LOXHD1: variants seen among roughly 807,000 people sequenced by gnomAD.
LOXHD1 encodes lipoxygenase homology PLAT domains 1.
LOXHD1 carries 205 observed loss-of-function variants against 248.2 expected under a neutral mutation model. The ratio of observed to expected loss-of-function variants is 0.83; its 90% CI spans 0.74 to 0.93. The LOEUF (loss-of-function observed/expected upper bound fraction) is 0.93. Ranked by LOEUF, LOXHD1 falls within the 40% of genes least tolerant of loss-of-function variation. The probability of loss-of-function intolerance (pLI) is 0.00; values close to 1 mark genes in which losing one functional copy is unlikely to be tolerated. For synonymous variants in LOXHD1, 1,113 were observed against 1,162.8 expected, an observed-to-expected ratio of 0.96 and a Z score of 0.87; for missense variants, 2,930 against 2,971.6, an observed-to-expected ratio of 0.99 and a Z score of 0.33.
intron 26 of LOXHD1, 40 bp downstream of exon 26, chr18:46,538,116 G>A: frequency 1.3e-6 from 2 of 1,503,576 alleles, no homozygotes; most frequent in Non-Finnish European, 1.8e-6. Context: ...CCCTCTGTCT[G>A]ACCTACTCCA....
At chr18:46,622,599 G>A (rs924189706) in intron 4 of LOXHD1, among the ~76,000 whole-genome samples, 1 of 152,182 alleles carries the variant, frequency 6.6e-6, no homozygotes, top group Non-Finnish European at 1.5e-5. Flanking sequence ...GGACCAGGGT[G>A]GTCAGCTGCT....
intron 38 of LOXHD1, among the ~76,000 whole-genome samples, chr18:46,485,640 T>G (rs1257299151): frequency 6.6e-6 from 1 of 152,148 alleles, no homozygotes; most frequent in Non-Finnish European, 1.5e-5. Flanking sequence ...TGCACAGGTG[T>G]GCACTCCTCC....
chr18:46,654,612 G>A (rs1421515254), intron 1 of LOXHD1, among the ~76,000 whole-genome samples: 2 of 152,210 alleles, frequency 1.3e-5, no homozygotes, highest in African/African-American at 4.8e-5. Flanking sequence ...TAAGAAGAGA[G>A]AAGGAACACC....
intron 13 of LOXHD1, among the ~76,000 whole-genome samples, chr18:46,579,119 G>A (rs1160584780): frequency 6.6e-6 from 1 of 152,226 alleles, no homozygotes; most frequent in Non-Finnish European, 1.5e-5. Flanking sequence ...CAAGATGCCT[G>A]CAATGGTCAT....
intron 1 of LOXHD1, among the ~76,000 whole-genome samples, chr18:46,650,268 T>G (rs1007126380): frequency 6.6e-6 from 1 of 152,186 alleles, no homozygotes; most frequent in Non-Finnish European, 1.5e-5. Context: ...CTAAGGTACA[T>G]GTCTGTACCA....
intron 40 of LOXHD1, among the ~76,000 whole-genome samples, chr18:46,478,412 C>T (rs2032229329): frequency 6.6e-6 from 1 of 152,106 alleles, no homozygotes; most frequent in African/African-American, 2.4e-5. Context: ...TCTATCTGCC[C>T]TCCTGCTACT....
chr18:46,560,048 T>TGCCTGGCC, intron 19 of LOXHD1, 35 bp downstream of exon 19: 5 of 1,226,298 alleles, frequency 4.1e-6, no homozygotes, highest in African/African-American at 1.6e-5. Flanking sequence ...GTCTGGCCAC[T>TGCCTGGCC]CCCTCCCCAC....
chr18:46,631,185 G>A (rs1015121938), intron 4 of LOXHD1, among the ~76,000 whole-genome samples: 4 of 152,190 alleles, frequency 2.6e-5, no homozygotes, highest in African/African-American at 9.7e-5. Flanking sequence ...GGAGACCGCA[G>A]TGTTACCCTC....
chr18:46,508,376 G>C (rs1206089624), intron 35 of LOXHD1, among the ~76,000 whole-genome samples: 1 of 152,108 alleles, frequency 6.6e-6, no homozygotes, highest in Non-Finnish European at 1.5e-5. Flanking sequence ...CATTAGAGTG[G>C]GCCCTAGTCC....
At chr18:46,504,678 G>C (rs1008494998) in intron 37 of LOXHD1, among the ~76,000 whole-genome samples, 1 of 152,186 alleles carries the variant, frequency 6.6e-6, no homozygotes, top group Admixed American at 6.5e-5. Flanking sequence ...TGGAAGAGAG[G>C]TTGCAAACTA....
intron 2 of LOXHD1, among the ~76,000 whole-genome samples, chr18:46,644,555 A>G (rs1369984886): frequency 6.6e-6 from 1 of 152,122 alleles, no homozygotes; most frequent in Admixed American, 6.5e-5. Flanking sequence ...TAGCTCTACA[A>G]AAAAATTTAA....
At position 46,560,531 on chromosome 18, in the gene LOXHD1, G is replaced by A. The variant is rs1204377432; in HGVS notation, c.2613C>T (p.Asp871=). The part of the protein sequence containing the change: ...SKDTFQLEAA[D]VGEVYKLRLG... ...GCCGGAGCTTATAGACCTCGCCCAC[G>A]TCGGCCGCCTCAAGCTGTTCAAAGG... Residue 871 remains aspartate, a synonymous_variant, in exon 19 of 41, where the codon GAC becomes GAT. Coordinates refer to ENST00000642948, the MANE Select transcript of LOXHD1 (RefSeq NM_001384474.1). The A allele has an allele frequency of 1.3e-6, 2 of 1,531,222 alleles. No individual in the cohort carries two copies. The highest frequency in any genetic ancestry group is 1.7e-6 in the Non-Finnish European group (2 of 1,143,090). The allele number at this position is 1,531,222 out of a possible 1,614,324, so 94.9% of individuals were successfully genotyped here. A position where few individuals can be genotyped will look rare whatever the true frequency, so the allele number is the denominator to read the frequency against.
chr18:46,622,931 A>G (rs935987443), intron 4 of LOXHD1, among the ~76,000 whole-genome samples: 1 of 152,242 alleles, frequency 6.6e-6, no homozygotes, highest in African/African-American at 2.4e-5. Flanking sequence ...GTGAAAGTCA[A>G]GTTGGAAGAG....
rs2037882000 is a variant in LOXHD1, at chr18:46,577,565, G to C, written c.1970+142C>G. On this transcript the variant is annotated intron_variant, in intron 14 of 40. Coordinates refer to ENST00000642948, the MANE Select transcript of LOXHD1 (RefSeq NM_001384474.1). ...TGAGGCTCAGGTCTAAGCACCACCA[G>C]CGAGGTCACCTCTTTCTTGCACCAG... is the stretch of plus-strand genomic sequence containing the variant. The C allele has an allele frequency of 3.4e-6, 3 of 871,544 alleles. No homozygotes were observed. In the Admixed American group the frequency reaches 8.2e-5, roughly 24 times the overall value. 54.0% of individuals were successfully genotyped at this position (871,544 alleles called of 1,614,324 possible).
intron 6 of LOXHD1, among the ~76,000 whole-genome samples, chr18:46,605,059 C>G (rs977110781): frequency 2.0e-5 from 3 of 152,106 alleles, no homozygotes; most frequent in Admixed American, 2.0e-4. Context: ...TAAAATGCTA[C>G]CAAGACCAAT....
intron 6 of LOXHD1, among the ~76,000 whole-genome samples, chr18:46,609,938 C>A (rs2038479626): frequency 6.6e-6 from 1 of 152,232 alleles, no homozygotes. Context: ...TATGTTTTAG[C>A]TGCTCAGGAG....
intron 2 of LOXHD1, among the ~76,000 whole-genome samples, chr18:46,648,544 T>G (rs1435120954): frequency 6.6e-6 from 1 of 152,196 alleles, no homozygotes; most frequent in East Asian, 1.9e-4. Context: ...TCTGCTAACA[T>G]GTTCTCAGGT....
chr18:46,532,741 A>G (rs567499631), intron 28 of LOXHD1, among the ~76,000 whole-genome samples: 42 of 152,204 alleles, frequency 2.8e-4, no homozygotes, highest in Non-Finnish European at 5.3e-4. Flanking sequence ...ATAAATCAAG[A>G]AGGTTTCTTG....
chr18:46,541,652 A>G (rs777660310), intron 25 of LOXHD1, 124 bp downstream of exon 25: 3 of 1,124,442 alleles, frequency 2.7e-6, no homozygotes, highest in Non-Finnish European at 3.9e-6. Flanking sequence ...ACAGGGATGA[A>G]AGACCAAAAT....
Sources: gnomAD v4.1 joint callset for allele counts (sites outside exome capture counted in the v4.1 genomes callset) on GRCh38, gnomAD v4.1.1 for gene constraint, MANE v1.5 for transcripts, NCBI Gene and HGNC (gene_info 2026-07-23, HGNC 2026-07-21) for gene names.